The following CCSER1 variants were observed in gnomAD, a reference collection of about 807,000 sequenced individuals.
The protein encoded by CCSER1 is serine-rich coiled-coil domain-containing protein 1.
A neutral mutation model predicts 82.0 loss-of-function variants in CCSER1; 41 were observed. The observed-to-expected ratio is 0.50, with a 90% confidence interval of 0.39 to 0.65. The LOEUF is 0.65. Among genes scored for constraint, CCSER1 ranks in the 30% least tolerant of loss-of-function variants. CCSER1 has a pLI of 0.00. For missense variants in CCSER1, 1,119 were observed against 1,064.2 expected, an observed-to-expected ratio of 1.05 and a Z score of -0.72; for synonymous variants, 414 against 383.9, an observed-to-expected ratio of 1.08 and a Z score of -0.92.
At chr4:90,354,735 T>TC (rs1231603156) in intron 3 of CCSER1, among the ~76,000 whole-genome samples, 2 of 152,160 alleles carry the variant, frequency 1.3e-5, no homozygotes, top group African/African-American at 4.8e-5. Context: ...TCATTTTAAG[T>TC]ACTACAAGAA....
intron 9 of CCSER1, among the ~76,000 whole-genome samples, chr4:90,945,006 T>A (rs1561402323): frequency 6.6e-6 from 1 of 152,172 alleles, no homozygotes; most frequent in Non-Finnish European, 1.5e-5. Flanking sequence ...AGACCACAGT[T>A]ATTTTGGTTT....
chr4:91,318,706 C>T (rs1745992836), intron 10 of CCSER1, among the ~76,000 whole-genome samples: 1 of 151,954 alleles, frequency 6.6e-6, no homozygotes, highest in African/African-American at 2.4e-5. Context: ...TTATTCTTCT[C>T]TATGTCATAA....
chr4:91,382,138 C>T (rs1014546064), intron 10 of CCSER1, among the ~76,000 whole-genome samples: 1 of 152,182 alleles, frequency 6.6e-6, no homozygotes, highest in Non-Finnish European at 1.5e-5. Flanking sequence ...GAGGTGTACC[C>T]AGCTGTGTTC....
chr4:90,706,606 C>T (rs962020434), intron 6 of CCSER1, among the ~76,000 whole-genome samples: 2 of 152,102 alleles, frequency 1.3e-5, no homozygotes, highest in Non-Finnish European at 2.9e-5. Flanking sequence ...GTGAATACTA[C>T]AGGTTTTCTT....
chr4:91,041,431 T>G (rs6829400), intron 9 of CCSER1, among the ~76,000 whole-genome samples: 3,010 of 152,318 alleles, frequency 0.02, 88 homozygotes, highest in African/African-American at 0.067. Context: ...CATTGCTTTG[T>G]GGGTTACATT....
chr4:91,180,477 C>A (rs1325229145), intron 10 of CCSER1, among the ~76,000 whole-genome samples: 3 of 152,192 alleles, frequency 2.0e-5, no homozygotes, highest in Non-Finnish European at 4.4e-5. Flanking sequence ...GCTTCCTTGC[C>A]ACTTTGTCTA....
At chr4:90,202,622 T>C (rs1737978956) in intron 1 of CCSER1, among the ~76,000 whole-genome samples, 1 of 152,260 alleles carries the variant, frequency 6.6e-6, no homozygotes, top group African/African-American at 2.4e-5. Flanking sequence ...GAATATAGGC[T>C]TGAGAGCACT....
At chr4:90,947,212 C>G (rs1161516072) in intron 9 of CCSER1, among the ~76,000 whole-genome samples, 2 of 152,148 alleles carry the variant, frequency 1.3e-5, no homozygotes, top group African/African-American at 4.8e-5. Context: ...GTTTAACCAG[C>G]AAACAGCACT....
chr4:91,077,768 T>A (rs1722163425), intron 9 of CCSER1, among the ~76,000 whole-genome samples: 1 of 152,180 alleles, frequency 6.6e-6, no homozygotes, highest in African/African-American at 2.4e-5. Flanking sequence ...TTTCCAATGG[T>A]CTTAGCAAAC....
intron 8 of CCSER1, among the ~76,000 whole-genome samples, chr4:90,822,817 G>C (rs1759943643): frequency 1.3e-5 from 2 of 149,430 alleles, no homozygotes; most frequent in African/African-American, 4.9e-5. Context: ...GAAAAAGTAA[G>C]TTTATTAGCC....
chr4:90,732,100 C>T (rs1352582054), intron 7 of CCSER1, among the ~76,000 whole-genome samples: 1 of 147,850 alleles, frequency 6.8e-6, no homozygotes, highest in African/African-American at 2.6e-5. Flanking sequence ...TTTCTCTCCT[C>T]AGCCTCTCCA....
At chr4:91,403,151 G>T (rs1387200690) in intron 10 of CCSER1, among the ~76,000 whole-genome samples, 1 of 152,102 alleles carries the variant, frequency 6.6e-6, no homozygotes, top group Non-Finnish European at 1.5e-5. Flanking sequence ...TATTCTCTTT[G>T]TAGCAATTGT....
intron 8 of CCSER1, among the ~76,000 whole-genome samples, chr4:90,825,424 T>A (rs972537674): frequency 1.3e-5 from 2 of 152,174 alleles, no homozygotes; most frequent in Admixed American, 1.3e-4. Context: ...TTAGAGTAAT[T>A]TAACAAACGC....
At chr4:91,052,031 TA>T (rs1743051315) in intron 9 of CCSER1, among the ~76,000 whole-genome samples, 1 of 152,100 alleles carries the variant, frequency 6.6e-6, no homozygotes, top group Admixed American at 6.5e-5. Context: ...AAATATTTTT[TA>T]AAATTTATAT....
intron 10 of CCSER1, among the ~76,000 whole-genome samples, chr4:91,207,116 G>A (rs1438485228): frequency 6.6e-6 from 1 of 151,838 alleles, no homozygotes. Flanking sequence ...TGAGTATTAG[G>A]AATGTAAATA....
chr4:90,933,004 GAAAGAAAGAA>G lies in CCSER1; in HGVS notation c.2172+9559_2172+9568del, dbSNP rs1469406739. Among the ~76,000 whole-genome samples the G allele has an allele frequency of 2.4e-4, 17 of 69,964 alleles. 5 individuals are homozygous for G. Among genetic ancestry groups the G allele is most frequent in the African/African-American group, 1.7e-3 (16 of 9,590 alleles). The allele number at this position is 69,964 out of a possible 152,430, so 45.9% of individuals were successfully genotyped here. ...AAAGAGAAAGAAAGAAAGAAAGAAA[GAAAGAAAGAA>G]AGAAAGAAAGAAAGAAAGAAAGAAA... On this transcript the variant is annotated intron_variant, in intron 9 of 10. Transcript: ENST00000509176.
intron 10 of CCSER1, among the ~76,000 whole-genome samples, chr4:91,180,262 C>G (rs1241551084): frequency 6.6e-6 from 1 of 152,218 alleles, no homozygotes; most frequent in Non-Finnish European, 1.5e-5. Context: ...GGGTCAGGGA[C>G]TGACTTGAGG....
At position 90,905,365 on chromosome 4, in the gene CCSER1, C is replaced by A. The variant is rs919193850; in HGVS notation, c.2095-18005C>A. ...CACTACGTTCTAGTCACACCACACA[C>A]ACACACACACACACACACATATATT... On this transcript the variant is annotated intron_variant, in intron 8 of 10. Coordinates refer to ENST00000509176, the MANE Select transcript of CCSER1 (RefSeq NM_001145065.2). Among the ~76,000 whole-genome samples the A allele has an allele frequency of 9.2e-5, 14 of 151,768 alleles. 1 individual carries two copies. Among genetic ancestry groups the A allele is most frequent in the Middle Eastern group, 3.4e-3 (1 of 294 alleles).
intron 7 of CCSER1, among the ~76,000 whole-genome samples, chr4:90,778,716 C>T (rs1206201504): frequency 6.6e-6 from 1 of 151,938 alleles, no homozygotes; most frequent in African/African-American, 2.4e-5. Context: ...AACTAGAAGG[C>T]ACCCTGCATC....
Sources: gnomAD v4.1 joint callset for allele counts (sites outside exome capture counted in the v4.1 genomes callset) on GRCh38, gnomAD v4.1.1 for gene constraint, MANE v1.5 for transcripts, NCBI Gene and HGNC (gene_info 2026-07-23, HGNC 2026-07-21) for gene names.